Variants in GALNT13 observed in about 807,000 individuals in gnomAD.
GALNT13 encodes the protein polypeptide N-acetylgalactosaminyltransferase 13.
In GALNT13, 28 loss-of-function variants were observed where a neutral mutation model predicts 64.2. That is an observed-to-expected ratio of 0.44 (90% CI 0.32 to 0.60). GALNT13 has a LOEUF of 0.60. Among genes scored for constraint, GALNT13 ranks in the 20% least tolerant of loss-of-function variants. The probability of loss-of-function intolerance (pLI) is 0.05; values close to 1 mark genes in which losing one functional copy is unlikely to be tolerated. For missense variants in GALNT13, 577 were observed against 669.8 expected (o/e 0.86, Z 1.53); for synonymous variants, 214 against 224.6 (o/e 0.95, Z 0.42).
chr2:154,136,118 A>G (rs1278955419), intron 3 of GALNT13, among the ~76,000 whole-genome samples: 2 of 152,228 alleles, frequency 1.3e-5, no homozygotes, highest in Non-Finnish European at 2.9e-5. Flanking sequence ...CTAATTTATT[A>G]CAATTGTAAA....
chr2:153,125,598 G>A, the GALNT13 span, among the ~76,000 whole-genome samples: 12 of 152,272 alleles, frequency 7.9e-5, no homozygotes, highest in East Asian at 1.9e-3. Flanking sequence ...GGGGCAATTT[G>A]TGGGAAGAAA....
intron 4 of GALNT13, among the ~76,000 whole-genome samples, chr2:154,226,339 C>G (rs181526596): frequency 1.2e-4 from 19 of 152,172 alleles, no homozygotes; most frequent in African/African-American, 4.6e-4. Context: ...CTATGATGCA[C>G]TAAATACACA....
At chr2:153,957,137 C>T (rs1692618360) in intron 3 of GALNT13, among the ~76,000 whole-genome samples, 2 of 152,132 alleles carry the variant, frequency 1.3e-5, no homozygotes, top group African/African-American at 4.8e-5. Flanking sequence ...TATCACAATA[C>T]TTGTATATAT....
intron 8 of GALNT13, among the ~76,000 whole-genome samples, chr2:154,279,646 G>A (rs542182109): frequency 6.6e-5 from 10 of 152,106 alleles, no homozygotes; most frequent in Non-Finnish European, 8.8e-5. Context: ...TGGACTTTAA[G>A]CATCATATCT....
chr2:153,771,722 T>C, the GALNT13 span, among the ~76,000 whole-genome samples: 1 of 152,102 alleles, frequency 6.6e-6, no homozygotes, highest in African/African-American at 2.4e-5. Context: ...GAAATATGTC[T>C]AGTCATAAAG....
At chr2:153,739,552 ATTTATTTATTAT>A in the GALNT13 span, among the ~76,000 whole-genome samples, 21 of 96,430 alleles carry the variant, frequency 2.2e-4, no homozygotes, top group Admixed American at 1.9e-3. Context: ...ATTTATTTTT[ATTTATTTATTAT>A]TTTATTTATT....
chr2:154,371,049 C>A (rs894209528), intron 9 of GALNT13, among the ~76,000 whole-genome samples: 1 of 152,028 alleles, frequency 6.6e-6, no homozygotes, highest in Middle Eastern at 3.4e-3. Flanking sequence ...TGAGTGAAAC[C>A]CTGCTGAGAA....
chr2:154,122,992 C>T (rs1558970689), intron 3 of GALNT13, among the ~76,000 whole-genome samples: 2 of 151,894 alleles, frequency 1.3e-5, no homozygotes, highest in African/African-American at 4.8e-5. Flanking sequence ...ATAAGAAATA[C>T]AGCAACTTTC....
chr2:153,231,607 A>G, the GALNT13 span, among the ~76,000 whole-genome samples: 1 of 152,208 alleles, frequency 6.6e-6, no homozygotes, highest in African/African-American at 2.4e-5. Context: ...GGGTTTTCAA[A>G]ATTTATCTTG....
At chr2:153,459,145 C>A in the GALNT13 span, among the ~76,000 whole-genome samples, 1 of 152,078 alleles carries the variant, frequency 6.6e-6, no homozygotes, top group East Asian at 1.9e-4. Flanking sequence ...GGAATAACTT[C>A]TCTAGATGTT....
intron 10 of GALNT13, among the ~76,000 whole-genome samples, chr2:154,396,558 AT>A (rs1258568468): frequency 6.6e-6 from 1 of 152,120 alleles, no homozygotes; most frequent in South Asian, 2.1e-4. Flanking sequence ...AAGTTAATAT[AT>A]TTTTTCCAAG....
chr2:154,167,211 C>G (rs1685081522), intron 4 of GALNT13, among the ~76,000 whole-genome samples: 1 of 152,020 alleles, frequency 6.6e-6, no homozygotes, highest in Non-Finnish European at 1.5e-5. Flanking sequence ...TGTGCCAGAT[C>G]CTGTAATTGC....
chr2:153,212,304 C>T, the GALNT13 span, among the ~76,000 whole-genome samples: 3 of 152,098 alleles, frequency 2.0e-5, no homozygotes, highest in African/African-American at 7.2e-5. Context: ...ATGCCAGCTT[C>T]GTGATTTTAT....
chr2:153,894,565 A>C lies in GALNT13; in HGVS notation c.-176-6371A>C, dbSNP rs188381189. Among the ~76,000 whole-genome samples, 481 of 152,130 alleles carry C rather than the reference A, an allele frequency of 3.2e-3. 1 individual carries two copies. The highest frequency in any genetic ancestry group is 0.011 in the African/African-American group (465 of 41,504). On this transcript the variant is annotated intron_variant, in intron 1 of 12. Transcript: ENST00000392825. ...TTGAAGGTCAAATTAAAAGAGAGAG[A>C]GAGATGGGGGTGACAGGGAGGGAGG...
At position 154,273,934 on chromosome 2, in the gene GALNT13, AG is replaced by A. The variant is rs1691494483; in HGVS notation, c.975+14797del. On this transcript the variant is annotated intron_variant, in intron 8 of 12. Transcript: ENST00000392825. ...TAAATAATAATAAAATCATTTTACA[AG>A]TATTGTTATAATGGATCTAGTATAG... 2.0e-5 allele frequency among the ~76,000 whole-genome samples: 3 copies of A among 152,126 alleles called. No homozygotes were observed. The South Asian group carries it at 6.2e-4, about 31-fold the overall frequency.
the GALNT13 span, among the ~76,000 whole-genome samples, chr2:153,125,098 A>C: frequency 6.6e-6 from 1 of 152,232 alleles, no homozygotes; most frequent in African/African-American, 2.4e-5. Context: ...TATACCATGT[A>C]ATATTTGGGA....
intron 7 of GALNT13, among the ~76,000 whole-genome samples, chr2:154,250,781 A>G (rs933450360): frequency 3.3e-5 from 5 of 152,056 alleles, no homozygotes; most frequent in African/African-American, 9.6e-5. Context: ...CAATCCAACC[A>G]TAATATACGT....
the GALNT13 span, among the ~76,000 whole-genome samples, chr2:153,743,962 A>G: frequency 6.6e-6 from 1 of 152,082 alleles, no homozygotes; most frequent in Non-Finnish European, 1.5e-5. Context: ...ACTTAGCATC[A>G]TGACCTCCAG....
At position 154,181,579 on chromosome 2, in the gene GALNT13, G is replaced by A. The variant is rs147224221; in HGVS notation, c.311+41074G>A. Among the ~76,000 whole-genome samples the A allele has an allele frequency of 8.8e-3, 1,340 of 151,992 alleles. 22 individuals carry two copies. Among genetic ancestry groups the A allele is most frequent in the African/African-American group, 0.03 (1,251 of 41,492 alleles). On this transcript the variant is annotated intron_variant, in intron 4 of 12. Transcript: ENST00000392825. ...AAAAACAAGTTTGATAAATTTTTACGATATGATATATATTTATAGTCTTTA... is the reference window on the plus strand; with the variant it reads ...AAAAACAAGTTTGATAAATTTTTACAATATGATATATATTTATAGTCTTTA...
Sources: allele counts gnomAD v4.1 joint callset (sites outside exome capture counted in the v4.1 genomes callset), GRCh38; gene constraint gnomAD v4.1.1; transcripts MANE v1.5; gene names NCBI Gene and HGNC (gene_info 2026-07-23, HGNC 2026-07-21).